Variants in ASIC5 observed in about 807,000 individuals in gnomAD.
ASIC5 encodes acid sensing ion channel subunit family member 5.
ASIC5 carries 52 observed loss-of-function variants against 51.2 expected under a neutral mutation model. The observed-to-expected ratio is 1.02, with a 90% CI of 0.81 to 1.28. ASIC5 has a LOEUF of 1.28. Ranked by LOEUF, ASIC5 falls within the 50% of genes most tolerant of loss-of-function variation. The probability of loss-of-function intolerance (pLI) is 0.00; values close to 1 mark genes in which losing one functional copy is unlikely to be tolerated. For missense variants in ASIC5, 635 were observed against 595.0 expected (o/e 1.07, Z -0.70); for synonymous variants, 231 against 200.7 (o/e 1.15, Z -1.28).
chr4:155,842,471 C>T, intron 5 of ASIC5, 117 bp from the exon 6 acceptor site: 1 of 976,680 alleles, frequency 1.0e-6, no homozygotes, highest in Non-Finnish European at 1.5e-6. Flanking sequence ...ATTTTCAAAA[C>T]CAAAATTGGT....
rs556763984 is a variant in ASIC5 at position 155,859,856 on chromosome 4, C to T, written c.347+3592G>A. Among the ~76,000 whole-genome samples the T allele has an allele frequency of 2.6e-5, 4 of 152,084 alleles. No individual in the cohort carries two copies. In the East Asian group the frequency reaches 5.8e-4, roughly 22 times the overall value. ...ATACTGGTGTGTAACAACCTCAGGG[C>T]TCCTAACATAGGAATACAAATTGTA... On this transcript the variant is annotated intron_variant, in intron 2 of 9. Transcript: ENST00000537611.
intron 4 of ASIC5, among the ~76,000 whole-genome samples, chr4:155,848,327 A>G (rs1223259158): frequency 1.3e-5 from 2 of 152,040 alleles, no homozygotes; most frequent in African/African-American, 4.8e-5. Flanking sequence ...TAATCCTTTA[A>G]GATATTAGTT....
At chr4:155,845,916 T>G (rs1030393939) in intron 4 of ASIC5, among the ~76,000 whole-genome samples, 1 of 152,020 alleles carries the variant, frequency 6.6e-6, no homozygotes, top group South Asian at 2.1e-4. Flanking sequence ...AGAATCTGAA[T>G]GTCTAAGATA....
At chr4:155,860,975 T>C (rs1434703366) in intron 2 of ASIC5, among the ~76,000 whole-genome samples, 1 of 151,920 alleles carries the variant, frequency 6.6e-6, no homozygotes, top group Admixed American at 6.6e-5. Context: ...CATCTCAAAG[T>C]ATTTTCTATT....
At chr4:155,854,578 T>A (rs1741478996) in intron 2 of ASIC5, among the ~76,000 whole-genome samples, 1 of 152,090 alleles carries the variant, frequency 6.6e-6, no homozygotes, top group Non-Finnish European at 1.5e-5. Context: ...CAAGATTCAA[T>A]TTAAAGGAAG....
rs375796534 is a variant in ASIC5, at chr4:155,854,063, T to C, written c.585+14A>G. The stretch of plus-strand genomic sequence containing the variant: ...TATTACTTTGATTATATTTGAAGAA[T>C]AGAAAATCGTTACCTTTGGGCTACA... On this transcript the variant is annotated intron_variant, in intron 3 of 9. Transcript: ENST00000537611. The C allele has an allele frequency of 1.3e-6, 2 of 1,562,598 alleles. No individual in the cohort carries two copies. The highest frequency in any genetic ancestry group is 1.4e-5 in the African/African-American group (1 of 73,480).
intron 2 of ASIC5, 32 bp from the exon 3 acceptor site, chr4:155,854,346 T>G (rs1175003427): frequency 1.5e-6 from 2 of 1,368,628 alleles, no homozygotes; most frequent in Admixed American, 3.6e-5. Flanking sequence ...ATAGTTAGAA[T>G]AATGAAAACT....
chr4:155,852,161 T>C, intron 4 of ASIC5, 30 bp downstream of exon 4: 2 of 1,611,206 alleles, frequency 1.2e-6, no homozygotes, highest in Non-Finnish European at 1.7e-6. Flanking sequence ...CACATTCTCG[T>C]TTGTCTTGAA....
chr4:155,865,128 T>C (rs900905375), intron 1 of ASIC5: 1 of 152,000 alleles, frequency 6.6e-6, no homozygotes, highest in Admixed American at 6.6e-5. Context: ...GTCCATTTCA[T>C]TCACTTACAA....
At chr4:155,852,438 G>T in intron 3 of ASIC5, 122 bp from the exon 4 acceptor site, 3 of 758,998 alleles carry the variant, frequency 4.0e-6, no homozygotes, top group Non-Finnish European at 6.0e-6. Flanking sequence ...ATATCAGAGA[G>T]AATAGTCTGA....
intron 2 of ASIC5, among the ~76,000 whole-genome samples, chr4:155,856,354 C>T (rs998774294): frequency 5.9e-5 from 9 of 152,114 alleles, no homozygotes; most frequent in African/African-American, 1.2e-4. Context: ...ATATTAAATC[C>T]TTTCTCAGTC....
At chr4:155,852,432 C>G in intron 3 of ASIC5, 116 bp from the exon 4 acceptor site, 1 of 825,482 alleles carries the variant, frequency 1.2e-6, no homozygotes, top group Non-Finnish European at 1.8e-6. Context: ...GCAGAAATAT[C>G]AGAGAGAATA....
chr4:155,857,997 C>T (rs747666424), intron 2 of ASIC5, among the ~76,000 whole-genome samples: 7 of 152,132 alleles, frequency 4.6e-5, no homozygotes, highest in Admixed American at 1.3e-4. Flanking sequence ...ACCCAATATA[C>T]GAGTTACTCA....
intron 6 of ASIC5, among the ~76,000 whole-genome samples, chr4:155,841,722 A>C (rs1171573568): frequency 6.6e-6 from 1 of 152,128 alleles, no homozygotes; most frequent in Non-Finnish European, 1.5e-5. Flanking sequence ...GTGCTGTTTT[A>C]GATATTTGAG....
intron 8 of ASIC5, among the ~76,000 whole-genome samples, chr4:155,835,682 C>T (rs1414336154): frequency 6.6e-6 from 1 of 152,108 alleles, no homozygotes; most frequent in Non-Finnish European, 1.5e-5. Context: ...GTGCTGGAGT[C>T]GGAAGTGTAA....
chr4:155,858,631 G>T (rs1362158983), intron 2 of ASIC5, among the ~76,000 whole-genome samples: 1 of 152,056 alleles, frequency 6.6e-6, no homozygotes, highest in South Asian at 2.1e-4. Flanking sequence ...TTTCCTAAGA[G>T]GGTTTGGAGA....
At chr4:155,859,140 C>T (rs1215779357) in intron 2 of ASIC5, among the ~76,000 whole-genome samples, 1 of 151,914 alleles carries the variant, frequency 6.6e-6, no homozygotes, top group African/African-American at 2.4e-5. Flanking sequence ...ACGCAGTTCC[C>T]AAGCTTAACT....
chr4:155,845,438 T>C (rs114322282), intron 4 of ASIC5, among the ~76,000 whole-genome samples: 1 of 151,076 alleles, frequency 6.6e-6, no homozygotes, highest in Non-Finnish European at 1.5e-5. Flanking sequence ...CTGAATTCCG[T>C]TTTCACCTGA....
Position 155,852,101 on chromosome 4 carries a change from G to T in ASIC5, c.711+90C>A, listed in dbSNP as rs988122277. On this transcript the variant is annotated intron_variant, in intron 4 of 9. Coordinates refer to ENST00000537611, the MANE Select transcript of ASIC5 (RefSeq NM_017419.3). Reference sequence around the variant, plus strand: ...AAACTGAAATAATATCCAATGTGTGGGAACTATCTGATATGGCCCAATAGT... The same window carrying T: ...AAACTGAAATAATATCCAATGTGTGTGAACTATCTGATATGGCCCAATAGT... 4.4e-6 allele frequency: 6 copies of T among 1,359,706 alleles called. No homozygotes were observed. In the African/African-American group the frequency reaches 7.4e-5, roughly 17 times the overall value. The allele number at this position is 1,359,706 out of a possible 1,614,324, so 84.2% of individuals were successfully genotyped here.
Sources: allele counts gnomAD v4.1 joint callset (sites outside exome capture counted in the v4.1 genomes callset), GRCh38; gene constraint gnomAD v4.1.1; transcripts MANE v1.5; gene names NCBI Gene and HGNC (gene_info 2026-07-23, HGNC 2026-07-21).